PREX1: variants seen among roughly 807,000 people sequenced by gnomAD.
PREX1 encodes the protein phosphatidylinositol 3,4,5-trisphosphate-dependent Rac exchanger 1 protein.
A neutral mutation model predicts 198.3 loss-of-function variants in PREX1; 41 were observed. The observed-to-expected ratio is 0.21, with a 90% CI of 0.16 to 0.27. PREX1 has a LOEUF of 0.27. Ranked by LOEUF, PREX1 falls within the 10% of genes least tolerant of loss-of-function variation. The pLI is 1.00. For missense variants in PREX1, 1,620 were observed against 2,200.7 expected (o/e 0.74, Z 5.28); for synonymous variants, 843 against 887.2 (o/e 0.95, Z 0.89).
At chr20:48,626,059 GAAAA>G in intron 39 of PREX1, 132 bp from the exon 40 acceptor site, 2 of 1,011,352 alleles carry the variant, frequency 2.0e-6, no homozygotes, top group Non-Finnish European at 2.8e-6. Context: ...AAGATGCAGA[GAAAA>G]ATATCTATGC....
At chr20:48,662,100 A>T (rs886469340) in intron 15 of PREX1, among the ~76,000 whole-genome samples, 11 of 152,106 alleles carry the variant, frequency 7.2e-5, no homozygotes, top group African/African-American at 2.7e-4. Flanking sequence ...TTTATAGGAC[A>T]TTTCACCTGG....
intron 1 of PREX1, among the ~76,000 whole-genome samples, chr20:48,765,809 G>A (rs1489738383): frequency 6.6e-6 from 1 of 152,190 alleles, no homozygotes; most frequent in East Asian, 1.9e-4. Context: ...CCCAATCCCT[G>A]GGCCGTGGGC....
intron 1 of PREX1, among the ~76,000 whole-genome samples, chr20:48,766,451 C>T: frequency 6.6e-6 from 1 of 152,212 alleles, no homozygotes; most frequent in East Asian, 1.9e-4. Flanking sequence ...AGGACCTGAC[C>T]TCAGCCTCCA....
At chr20:48,647,594 T>G (rs997307860) in intron 25 of PREX1, among the ~76,000 whole-genome samples, 4 of 150,504 alleles carry the variant, frequency 2.7e-5, no homozygotes, top group Non-Finnish European at 4.4e-5. Context: ...CCCAGCTAGA[T>G]GCAATCCCAC....
chr20:48,688,859 G>T (rs1480327558), intron 9 of PREX1, 55 bp from the exon 10 acceptor site: 3 of 1,605,538 alleles, frequency 1.9e-6, no homozygotes, highest in Admixed American at 1.7e-5. Context: ...GGCAGGGGGG[G>T]TAGGGGGAGA....
rs1568789344 is a variant in PREX1, at chr20:48,630,751, T to C, written c.4570A>G (p.Thr1524Ala). Residue 1524 changes from threonine (T) to alanine (A), a missense_variant, in exon 36 of 40, where the codon ACC (threonine) becomes GCC (alanine). Physicochemically the swap from Thr to Ala is moderately conservative, Grantham distance 58. Around this residue, in one of 7 missense-constraint regions of PREX1, gnomAD observed 476 missense variants for 603.4 expected, o/e 0.79. Coordinates refer to ENST00000371941, the MANE Select transcript of PREX1 (RefSeq NM_020820.4). ...ACCTGGTCTATCTTTACCGCCGTGG[T>C]GCTGGCATCCGTGGGCAGGTTAGAC... Reference protein sequence around the residue: ...ERSNLPTDASTTAVKIDQLIR... With the variant: ...ERSNLPTDASATAVKIDQLIR... The C allele has an allele frequency of 6.2e-7, 1 of 1,600,736 alleles. No homozygotes were observed. The highest frequency in any genetic ancestry group is 8.6e-7 in the Non-Finnish European group (1 of 1,167,900).
At chr20:48,841,178 T>C in the PREX1 span, among the ~76,000 whole-genome samples, 1 of 152,138 alleles carries the variant, frequency 6.6e-6, no homozygotes, top group Non-Finnish European at 1.5e-5. Context: ...CGCCTCAGCC[T>C]CCCCAAGGGC....
chr20:48,865,375 G>T, the PREX1 span, among the ~76,000 whole-genome samples: 1 of 152,110 alleles, frequency 6.6e-6, no homozygotes, highest in Non-Finnish European at 1.5e-5. Context: ...CCCCCACACA[G>T]GTCCCTGGTT....
In PREX1 at chr20:48,653,551, G is replaced by A. The variant is rs368708037; in HGVS notation, c.2210-54C>T. ...GATGCCAGGCAAGTACAAGCAGCCC[G>A]CTGAACACTGTCCCCCACCACCCAC... is the stretch of plus-strand genomic sequence containing the variant. On this transcript the variant is annotated intron_variant, in intron 19 of 39. Transcript: ENST00000371941. The A allele has an allele frequency of 4.8e-5, 75 of 1,572,204 alleles. No individual in the cohort carries two copies. In the African/African-American group the frequency reaches 7.7e-4, roughly 16 times the overall value.
chr20:48,706,015 T>C (rs1337613427), intron 6 of PREX1, among the ~76,000 whole-genome samples: 1 of 152,206 alleles, frequency 6.6e-6, no homozygotes, highest in East Asian at 1.9e-4. Flanking sequence ...AGCACCTCCC[T>C]TGTAGGGTTG....
chr20:48,849,878 G>T, the PREX1 span, among the ~76,000 whole-genome samples: 1 of 152,122 alleles, frequency 6.6e-6, no homozygotes, highest in Admixed American at 6.6e-5. Context: ...GGTGGTAGTG[G>T]GGAGAAAGGT....
chr20:48,861,517 C>T, the PREX1 span, among the ~76,000 whole-genome samples: 3 of 152,304 alleles, frequency 2.0e-5, no homozygotes, highest in South Asian at 6.2e-4. Context: ...CTCCTCAGTT[C>T]CACCCCTGCC....
rs534338653 is a variant in PREX1, at chr20:48,748,801, C to T, written c.220-921G>A. Among the ~76,000 whole-genome samples, 3 of 152,324 alleles carry T rather than the reference C, an allele frequency of 2.0e-5. No homozygotes were observed. In the South Asian group the frequency reaches 6.2e-4, roughly 32 times the overall value. ...ACGTGGGGAGGCCGCAGGCCCAGGA[C>T]CACCAGAGGTTCGGATTTGGGTGTT... On this transcript the variant is annotated intron_variant, in intron 1 of 39. Transcript: ENST00000371941.
chr20:48,711,223 G>A (rs2089929296), intron 5 of PREX1, among the ~76,000 whole-genome samples: 1 of 152,128 alleles, frequency 6.6e-6, no homozygotes, highest in African/African-American at 2.4e-5. Flanking sequence ...CAGTGTACCT[G>A]GCCCCATGTT....
Position 48,788,906 on chromosome 20 carries a change from C to G in PREX1, c.219+38736G>C, listed in dbSNP as rs535704673. Among the ~76,000 whole-genome samples, 5 of 152,284 alleles carry G rather than the reference C, an allele frequency of 3.3e-5. No homozygotes were observed. In the East Asian group the frequency reaches 9.6e-4, roughly 29 times the overall value. On this transcript the variant is annotated intron_variant, in intron 1 of 39. Coordinates refer to ENST00000371941, the MANE Select transcript of PREX1 (RefSeq NM_020820.4). ...GTGTTAGTGTGCTCAGCCCCCCTGC[C>G]ACGTGATTCCCTAAACTGCCTCGAG...
the PREX1 span, among the ~76,000 whole-genome samples, chr20:48,880,230 C>T: frequency 6.6e-6 from 1 of 152,044 alleles, no homozygotes; most frequent in Non-Finnish European, 1.5e-5. Context: ...GTGGTTTATA[C>T]AAATATATAC....
intron 7 of PREX1, 90 bp downstream of exon 7, chr20:48,700,663 A>T: frequency 6.6e-7 from 1 of 1,521,484 alleles, no homozygotes; most frequent in Non-Finnish European, 9.1e-7. Flanking sequence ...CTCACAGGAA[A>T]GGGAGGCCCA....
intron 5 of PREX1, among the ~76,000 whole-genome samples, chr20:48,720,039 C>T (rs1414126888): frequency 6.6e-6 from 1 of 152,234 alleles, no homozygotes; most frequent in Non-Finnish European, 1.5e-5. Context: ...GGCCTCCTCA[C>T]TGTTCCCCAG....
In PREX1 at chr20:48,650,017, T is replaced by C; in HGVS notation, c.3007A>G (p.Ile1003Val). 2 of 1,614,116 alleles carry C rather than the reference T, an allele frequency of 1.2e-6. No homozygotes were observed. The highest frequency in any genetic ancestry group is 1.7e-6 in the Non-Finnish European group (2 of 1,179,998). ...GTACCTTGCTCCGGGTCAAGGCCGA[T>C]GAGGGAGGGTTTGCGTCCAAAGCGG... ...SIRFGRKPSL[I>V]GLDPEQGHLN... The change falls in exon 24 of 40, where the codon ATC (isoleucine) becomes GTC (valine). Residue 1003 changes from isoleucine to valine, a missense_variant. Around this residue, in one of 7 missense-constraint regions of PREX1, gnomAD observed 514 missense variants for 611.6 expected, o/e 0.84. Transcript: ENST00000371941.
Sources: allele counts gnomAD v4.1 joint callset (sites outside exome capture counted in the v4.1 genomes callset), GRCh38; gene constraint gnomAD v4.1.1; regional missense constraint gnomAD v4.1.1; transcripts MANE v1.5; gene names NCBI Gene and HGNC (gene_info 2026-07-23, HGNC 2026-07-21).